Variants in B3GALT1 observed in about 807,000 individuals in gnomAD.
B3GALT1 encodes the protein beta-1,3-galactosyltransferase 1, also known as UDP-Gal:betaGlcNAc beta 1,3-galactosyltransferase, polypeptide 1.
In B3GALT1, 10 loss-of-function variants were observed where a neutral mutation model predicts 23.2. That is an observed-to-expected ratio of 0.43 (90% CI 0.27 to 0.73). The LOEUF (loss-of-function observed/expected upper bound fraction) is 0.73. B3GALT1 is among the 30% of genes least tolerant of loss of function. B3GALT1 has a pLI of 0.21. For synonymous variants in B3GALT1, 156 were observed against 141.5 expected (o/e 1.10, Z -0.73); for missense variants, 299 against 405.4 (o/e 0.74, Z 2.25).
At chr2:167,672,132 A>T (rs969233732) in intron 3 of B3GALT1, among the ~76,000 whole-genome samples, 1 of 152,068 alleles carries the variant, frequency 6.6e-6, no homozygotes, top group East Asian at 1.9e-4. Context: ...TGTATTTGAA[A>T]AATTTTAACC....
chr2:167,669,285 C>G (rs1558943613), intron 3 of B3GALT1, among the ~76,000 whole-genome samples: 3 of 152,144 alleles, frequency 2.0e-5, no homozygotes, highest in African/African-American at 2.4e-5. Flanking sequence ...TCATTTGAAA[C>G]TCATGAAAAT....
chr2:167,674,394 A>G (rs1020413532), intron 3 of B3GALT1, among the ~76,000 whole-genome samples: 18 of 152,182 alleles, frequency 1.2e-4, no homozygotes, highest in African/African-American at 4.1e-4. Context: ...AAAATGTTTA[A>G]TAAATGTCCC....
intron 2 of B3GALT1, among the ~76,000 whole-genome samples, chr2:167,505,049 ACAGAGCAAGGG>A: frequency 6.6e-6 from 1 of 152,324 alleles, no homozygotes. Flanking sequence ...TATTAAGTGA[ACAGAGCAAGGG>A]CAGATCAGCA....
intron 2 of B3GALT1, among the ~76,000 whole-genome samples, chr2:167,641,058 C>G (rs150022639): frequency 1.3e-5 from 2 of 152,096 alleles, no homozygotes; most frequent in Admixed American, 1.3e-4. Context: ...TAATCCTACA[C>G]CTAGTAAACA....
intron 1 of B3GALT1, among the ~76,000 whole-genome samples, chr2:167,301,132 G>C (rs1401345851): frequency 1.3e-5 from 2 of 152,100 alleles, no homozygotes; most frequent in African/African-American, 2.4e-5. Flanking sequence ...GTTGATCAAG[G>C]CAATGAAAAA....
In B3GALT1 at chr2:167,334,861, A is replaced by G. The variant is rs555417266; in HGVS notation, c.-511+41527A>G. ...ATAGACATGAGGTTGCTTTTCTTCT[A>G]TTGTGGCAAAATAATTTTCTCAGGA... is the stretch of plus-strand genomic sequence containing the variant. On this transcript the variant is annotated intron_variant, in intron 1 of 4. Coordinates refer to ENST00000392690, the MANE Select transcript of B3GALT1 (RefSeq NM_020981.4). 7.2e-5 allele frequency among the ~76,000 whole-genome samples: 11 copies of G among 152,258 alleles called. No individual in the cohort carries two copies. The South Asian group carries it at 1.0e-3, about 14-fold the overall frequency.
intron 1 of B3GALT1, among the ~76,000 whole-genome samples, chr2:167,302,412 C>G (rs1318720215): frequency 4.0e-5 from 6 of 151,746 alleles, no homozygotes; most frequent in Admixed American, 3.3e-4. Context: ...GTACTAGAAA[C>G]AAAACATTGG....
intron 1 of B3GALT1, among the ~76,000 whole-genome samples, chr2:167,434,044 A>G (rs1366396701): frequency 1.3e-5 from 2 of 152,232 alleles, no homozygotes; most frequent in Non-Finnish European, 2.9e-5. Flanking sequence ...ATCATAAATA[A>G]ATAAAACAAC....
chr2:167,603,530 T>C (rs906894075), intron 2 of B3GALT1, among the ~76,000 whole-genome samples: 1 of 152,222 alleles, frequency 6.6e-6, no homozygotes, highest in African/African-American at 2.4e-5. Flanking sequence ...TACTATAGAA[T>C]GTAAAGATGA....
chr2:167,536,773 T>A lies in B3GALT1; in HGVS notation c.-410+46496T>A, dbSNP rs186296743. ...CCAATGTACCCAGGCCCCTCCACTC[T>A]GCTGCTCAGACATGGAGAAGGGAAA... On this transcript the variant is annotated intron_variant, in intron 2 of 4. Coordinates refer to ENST00000392690, the MANE Select transcript of B3GALT1 (RefSeq NM_020981.4). Among the ~76,000 whole-genome samples the A allele has an allele frequency of 2.7e-3, 407 of 152,226 alleles. 1 individual carries two copies. The highest frequency in any genetic ancestry group is 9.1e-3 in the African/African-American group (377 of 41,554).
At chr2:167,839,624 A>C (rs1428444441) in intron 4 of B3GALT1, among the ~76,000 whole-genome samples, 1 of 152,286 alleles carries the variant, frequency 6.6e-6, no homozygotes, top group Non-Finnish European at 1.5e-5. Context: ...TTTAGATTCA[A>C]TGCCATCCCC....
rs368515670 is a variant in B3GALT1, at chr2:167,670,449, G to A, written c.-352+23483G>A. 1.3e-3 allele frequency among the ~76,000 whole-genome samples: 202 copies of A among 152,206 alleles called. 1 individual carries two copies. Among genetic ancestry groups the A allele is most frequent in the African/African-American group, 3.6e-3 (150 of 41,548 alleles). On this transcript the variant is annotated intron_variant, in intron 3 of 4. Transcript: ENST00000392690. ...AATAAAGACTGGTAGAGGTGACTGC[G>A]TCTTTAAATGCAAAAACAACAATGC...
chr2:167,296,927 T>C (rs1696360856), intron 1 of B3GALT1, among the ~76,000 whole-genome samples: 1 of 152,100 alleles, frequency 6.6e-6, no homozygotes, highest in South Asian at 2.1e-4. Flanking sequence ...GACCAATCTC[T>C]TTCCATCTCA....
chr2:167,440,162 T>G (rs1330166980), intron 1 of B3GALT1, among the ~76,000 whole-genome samples: 2 of 151,660 alleles, frequency 1.3e-5, no homozygotes, highest in Admixed American at 1.3e-4. Flanking sequence ...GCTAACATGG[T>G]GAAACCCCAT....
intron 2 of B3GALT1, among the ~76,000 whole-genome samples, chr2:167,588,833 CCT>C: frequency 7.8e-6 from 1 of 128,938 alleles, no homozygotes; most frequent in Non-Finnish European, 1.5e-5. Context: ...TTCCTTCCTT[CCT>C]TCCTTCCTTC....
At chr2:167,754,187 C>G (rs1454783166) in intron 3 of B3GALT1, among the ~76,000 whole-genome samples, 2 of 152,168 alleles carry the variant, frequency 1.3e-5, no homozygotes, top group African/African-American at 4.8e-5. Context: ...AACTTGCTTA[C>G]ATTACATTTT....
intron 2 of B3GALT1, among the ~76,000 whole-genome samples, chr2:167,512,561 T>C (rs1700026374): frequency 1.0e-5 from 1 of 99,260 alleles, no homozygotes; most frequent in Non-Finnish European, 1.9e-5. Context: ...TATATGTATA[T>C]ATATATGTAT....
At chr2:167,585,108 A>G (rs919469355) in intron 2 of B3GALT1, among the ~76,000 whole-genome samples, 26 of 152,206 alleles carry the variant, frequency 1.7e-4, no homozygotes, top group Admixed American at 8.5e-4. Flanking sequence ...TCATCTTATT[A>G]ACAGGCAAAG....
chr2:167,476,276 T>G (rs1699484133), intron 1 of B3GALT1, among the ~76,000 whole-genome samples: 1 of 152,222 alleles, frequency 6.6e-6, no homozygotes, highest in Non-Finnish European at 1.5e-5. Context: ...AAAGCAGCTC[T>G]AGGTATTTAT....
Sources: allele counts gnomAD v4.1 joint callset (sites outside exome capture counted in the v4.1 genomes callset), GRCh38; gene constraint gnomAD v4.1.1; transcripts MANE v1.5; gene names NCBI Gene and HGNC (gene_info 2026-07-23, HGNC 2026-07-21).